The following PARG variants were observed in gnomAD, a reference collection of about 807,000 sequenced individuals.
PARG encodes poly(ADP-ribose) glycohydrolase.
Under a neutral mutation model 113.0 loss-of-function variants are expected in PARG, and 35 were observed. That is an observed-to-expected ratio of 0.31 (90% confidence interval 0.24 to 0.41). PARG has a LOEUF of 0.41. Ranked by LOEUF, PARG falls within the 10% of genes least tolerant of loss-of-function variation. The probability of loss-of-function intolerance (pLI) is 1.00; values close to 1 mark genes in which losing one functional copy is unlikely to be tolerated. For synonymous variants in PARG, 330 were observed against 409.9 expected (o/e 0.81, Z 2.36); for missense variants, 797 against 1,169.4 (o/e 0.68, Z 4.64).
chr10:49,858,604 C>T (rs1423451216), intron 12 of PARG, among the ~76,000 whole-genome samples: 4 of 133,756 alleles, frequency 3.0e-5, no homozygotes, highest in East Asian at 4.2e-4. Flanking sequence ...TAATAGAAGG[C>T]GAAGCAGTCT....
intron 16 of PARG, among the ~76,000 whole-genome samples, chr10:49,828,101 A>C (rs1844457291): frequency 2.1e-5 from 3 of 145,986 alleles, no homozygotes; most frequent in African/African-American, 7.4e-5. Flanking sequence ...ACAAAAAAAA[A>C]AAAAAAAAAA....
intron 7 of PARG, among the ~76,000 whole-genome samples, chr10:49,895,274 CCTT>C (rs1342933878): frequency 1.3e-5 from 2 of 152,114 alleles, no homozygotes; most frequent in Non-Finnish European, 2.9e-5. Flanking sequence ...CAAACTCTGC[CCTT>C]CTTATTTACA....
chr10:49,917,688 G>A (rs544285942), intron 6 of PARG, among the ~76,000 whole-genome samples: 25 of 150,536 alleles, frequency 1.7e-4, no homozygotes, highest in Non-Finnish European at 3.4e-4. Context: ...ATGGTGGTGC[G>A]TGCCTGCAGT....
chr10:49,851,781 C>CAAAAAAAAA (rs782455561), intron 13 of PARG, among the ~76,000 whole-genome samples: 1 of 81,940 alleles, frequency 1.2e-5, no homozygotes, highest in Non-Finnish European at 2.4e-5. Flanking sequence ...TAAGAGAAGA[C>CAAAAAAAAA]AAAAAAAAAA....
At chr10:49,927,303 C>CAAGA (rs781927701) in intron 4 of PARG, among the ~76,000 whole-genome samples, 132 of 135,178 alleles carry the variant, frequency 9.8e-4, no homozygotes, top group African/African-American at 2.4e-3. Flanking sequence ...AAGACTCTGT[C>CAAGA]AAGAAAGAAA....
intron 7 of PARG, among the ~76,000 whole-genome samples, chr10:49,914,984 C>T (rs1235449488): frequency 2.4e-4 from 37 of 152,034 alleles, no homozygotes; most frequent in African/African-American, 8.7e-4. Context: ...TTCTAATTTA[C>T]ATCATATACA....
intron 16 of PARG, among the ~76,000 whole-genome samples, chr10:49,821,188 A>G (rs566588582): frequency 1.3e-5 from 2 of 152,280 alleles, no homozygotes; most frequent in African/African-American, 4.8e-5. Context: ...GAGATCTACT[A>G]TCTCCAGGAA....
At position 49,902,456 on chromosome 10, in the gene PARG, T is replaced by C. The variant is rs1564644167; in HGVS notation, c.1737+13461A>G. ...TCATCCCCCTTTTGCATGCAGGGAA[T>C]TAAAGAGGTAAATGGGCCCCTGAAG... On this transcript the variant is annotated intron_variant, in intron 7 of 17. Transcript: ENST00000616448. Among the ~76,000 whole-genome samples the C allele has an allele frequency of 1.3e-5, 2 of 152,090 alleles. 1 individual carries two copies. Among genetic ancestry groups the C allele is most frequent in the East Asian group, 3.9e-4 (2 of 5,192 alleles).
intron 6 of PARG, among the ~76,000 whole-genome samples, chr10:49,918,166 T>C (rs1451630407): frequency 2.0e-5 from 3 of 152,218 alleles, no homozygotes; most frequent in African/African-American, 4.8e-5. Flanking sequence ...TTGGGGATGA[T>C]ACAAACATTC....
intron 11 of PARG, among the ~76,000 whole-genome samples, 151 bp from the exon 12 acceptor site, chr10:49,861,814 TA>T (rs1403031867): frequency 8.1e-4 from 121 of 149,924 alleles, no homozygotes; most frequent in Non-Finnish European, 4.1e-4. Flanking sequence ...ACATTCTTGG[TA>T]TTGATCCTCC....
intron 7 of PARG, among the ~76,000 whole-genome samples, chr10:49,903,647 G>T (rs1382099631): frequency 2.0e-5 from 3 of 151,974 alleles, no homozygotes; most frequent in East Asian, 3.9e-4. Flanking sequence ...GTTTTTAGTA[G>T]CGGCTGAGAG....
intron 9 of PARG, 90 bp downstream of exon 9, chr10:49,879,583 C>G: frequency 1.2e-6 from 1 of 829,860 alleles, no homozygotes; most frequent in East Asian, 2.7e-5. Flanking sequence ...ATATAAAATG[C>G]TTGGCCTATG....
chr10:49,868,659 T>A (rs1846640851), intron 10 of PARG, among the ~76,000 whole-genome samples: 1 of 152,202 alleles, frequency 6.6e-6, no homozygotes, highest in Non-Finnish European at 1.5e-5. Context: ...CTTGACCAGG[T>A]TGACCTTACC....
At chr10:49,906,174 G>A (rs1848579756) in intron 7 of PARG, among the ~76,000 whole-genome samples, 1 of 143,922 alleles carries the variant, frequency 6.9e-6, no homozygotes, top group Non-Finnish European at 1.5e-5. Context: ...GTAGAAACAG[G>A]GTTTCACCAT....
At chr10:49,866,052 A>C (rs1846499143) in intron 10 of PARG, among the ~76,000 whole-genome samples, 1 of 130,746 alleles carries the variant, frequency 7.6e-6, no homozygotes, top group Non-Finnish European at 1.7e-5. Context: ...AGGAGCAATA[A>C]ATCTGGGAGG....
At chr10:49,828,624 A>G (rs1347711514) in intron 16 of PARG, among the ~76,000 whole-genome samples, 1 of 152,334 alleles carries the variant, frequency 6.6e-6, no homozygotes, top group East Asian at 1.9e-4. Flanking sequence ...CTGAGGAAGA[A>G]TGTTGTTAGT....
intron 15 of PARG, among the ~76,000 whole-genome samples, chr10:49,836,810 A>C (rs1844958928): frequency 6.6e-6 from 1 of 152,216 alleles, no homozygotes; most frequent in Non-Finnish European, 1.5e-5. Flanking sequence ...ATCAATAAAC[A>C]GATCAATTTT....
intron 13 of PARG, among the ~76,000 whole-genome samples, chr10:49,854,881 A>G (rs1845915851): frequency 6.6e-6 from 1 of 151,766 alleles, no homozygotes; most frequent in African/African-American, 2.4e-5. Context: ...TGTGATGAAA[A>G]GCGAAAATCT....
chr10:49,831,567 C>T (rs1554830264), intron 16 of PARG, among the ~76,000 whole-genome samples: 1 of 152,168 alleles, frequency 6.6e-6, no homozygotes, highest in East Asian at 1.9e-4. Context: ...AGAGACCGAG[C>T]TCAATCATGT....
Sources: allele counts gnomAD v4.1 joint callset (sites outside exome capture counted in the v4.1 genomes callset), GRCh38; gene constraint gnomAD v4.1.1; transcripts MANE v1.5; gene names NCBI Gene and HGNC (gene_info 2026-07-23, HGNC 2026-07-21).